Variants in GRIA1 observed in about 807,000 individuals in gnomAD.
The protein encoded by GRIA1 is glutamate receptor 1.
Under a neutral mutation model 99.2 loss-of-function variants are expected in GRIA1, and 31 were observed. That is an observed-to-expected ratio of 0.31 (90% CI 0.23 to 0.42). The LOEUF (loss-of-function observed/expected upper bound fraction) is 0.42, where lower values mean the gene tolerates loss of function less well. GRIA1 is among the 10% of genes least tolerant of loss of function. The probability of loss-of-function intolerance (pLI) is 1.00; values close to 1 mark genes in which losing one functional copy is unlikely to be tolerated. For missense variants in GRIA1, 782 were observed against 1,157.5 expected, an observed-to-expected ratio of 0.68 and a Z score of 4.71; for synonymous variants, 438 against 432.4, an observed-to-expected ratio of 1.01 and a Z score of -0.16.
At chr5:153,645,660 T>G (rs1474309153) in intron 2 of GRIA1, among the ~76,000 whole-genome samples, 1 of 152,122 alleles carries the variant, frequency 6.6e-6, no homozygotes, top group Non-Finnish European at 1.5e-5. Flanking sequence ...GAGCATCTTG[T>G]GGGGCTATAG....
At chr5:153,630,508 A>G (rs1752867072) in intron 2 of GRIA1, among the ~76,000 whole-genome samples, 1 of 152,114 alleles carries the variant, frequency 6.6e-6, no homozygotes, top group Non-Finnish European at 1.5e-5. Flanking sequence ...TCTCAGCACT[A>G]TGGGGATCAG....
At chr5:153,700,655 G>T (rs1758449543) in intron 10 of GRIA1, among the ~76,000 whole-genome samples, 1 of 152,142 alleles carries the variant, frequency 6.6e-6, no homozygotes, top group African/African-American at 2.4e-5. Flanking sequence ...GCCTCCAGCT[G>T]CCTTGTGCAG....
At chr5:153,612,223 T>C (rs779400347) in intron 2 of GRIA1, among the ~76,000 whole-genome samples, 2 of 152,024 alleles carry the variant, frequency 1.3e-5, no homozygotes, top group Admixed American at 6.6e-5. Context: ...TAGATAGGAG[T>C]GCTGAGAAGG....
chr5:153,699,160 A>G (rs913783801), intron 10 of GRIA1, 87 bp downstream of exon 10: 1 of 888,312 alleles, frequency 1.1e-6, no homozygotes, highest in Admixed American at 2.0e-5. Context: ...CCCTGCCCAC[A>G]GATGTCTATG....
chr5:153,491,256 T>C, intron 1 of GRIA1: 2 of 1,331,042 alleles, frequency 1.5e-6, no homozygotes, highest in Non-Finnish European at 1.9e-6. Flanking sequence ...AAAAAAAAAA[T>C]CAGGCTGGAA....
intron 2 of GRIA1, among the ~76,000 whole-genome samples, chr5:153,603,629 C>T (rs1765197252): frequency 6.6e-6 from 1 of 152,194 alleles, no homozygotes; most frequent in Admixed American, 6.5e-5. Flanking sequence ...ATATCGACAT[C>T]TCTGCTCTAG....
chr5:153,580,395 C>T, intron 2 of GRIA1, among the ~76,000 whole-genome samples: 1 of 152,172 alleles, frequency 6.6e-6, no homozygotes, highest in Non-Finnish European at 1.5e-5. Flanking sequence ...GGCAGCTTTA[C>T]ACATTATCTT....
intron 8 of GRIA1, 117 bp downstream of exon 8, chr5:153,686,446 C>T (rs1301491476): frequency 3.0e-6 from 2 of 675,406 alleles, no homozygotes; most frequent in Non-Finnish European, 5.0e-6. Flanking sequence ...GAAACTCAGA[C>T]AACACAGATT....
intron 2 of GRIA1, among the ~76,000 whole-genome samples, chr5:153,525,687 T>C (rs1159405238): frequency 6.6e-6 from 1 of 152,168 alleles, no homozygotes; most frequent in Non-Finnish European, 1.5e-5. Context: ...ACTTGGGAGA[T>C]AAGGGTCATC....
intron 6 of GRIA1, among the ~76,000 whole-genome samples, chr5:153,675,584 C>T (rs905490568): frequency 1.3e-5 from 2 of 152,220 alleles, no homozygotes; most frequent in Non-Finnish European, 2.9e-5. Flanking sequence ...TCTGGACAAA[C>T]AGTGAATCTT....
intron 11 of GRIA1, among the ~76,000 whole-genome samples, chr5:153,747,236 G>A (rs1007883309): frequency 2.0e-5 from 3 of 152,184 alleles, no homozygotes; most frequent in African/African-American, 2.4e-5. Flanking sequence ...GCAAAGAGGA[G>A]CAGCGTGTCA....
chr5:153,575,696 C>A (rs375955917), intron 2 of GRIA1, among the ~76,000 whole-genome samples: 7 of 152,324 alleles, frequency 4.6e-5, no homozygotes, highest in African/African-American at 1.7e-4. Flanking sequence ...ATAACCAAGT[C>A]TCCTGTGGCC....
chr5:153,538,651 G>A lies in GRIA1; in HGVS notation c.220+44586G>A, dbSNP rs181784487. On this transcript the variant is annotated intron_variant, in intron 2 of 15. Coordinates refer to ENST00000285900, the MANE Select transcript of GRIA1 (RefSeq NM_000827.4). ...ATCTTGGAGGTTTAGAATTTGTTCC[G>A]CTTGAACTTTCAGATTATGAGTCCC... is the stretch of plus-strand genomic sequence containing the variant. Among the ~76,000 whole-genome samples the A allele has an allele frequency of 4.1e-3, 627 of 152,188 alleles. 5 individuals carry two copies. Among genetic ancestry groups the A allele is most frequent in the African/African-American group, 0.014 (598 of 41,506 alleles).
intron 2 of GRIA1, among the ~76,000 whole-genome samples, chr5:153,526,085 G>T (rs1757567315): frequency 6.6e-6 from 1 of 152,152 alleles, no homozygotes; most frequent in Non-Finnish European, 1.5e-5. Context: ...TTTCAGCCTT[G>T]GCTACTAAAC....
chr5:153,809,072 T>C (rs556783505), intron 15 of GRIA1, among the ~76,000 whole-genome samples: 1 of 152,364 alleles, frequency 6.6e-6, no homozygotes, highest in East Asian at 1.9e-4. Flanking sequence ...ACTTTAGTGG[T>C]CTTTTTTCCT....
intron 5 of GRIA1, among the ~76,000 whole-genome samples, chr5:153,674,108 A>G (rs919152611): frequency 6.6e-6 from 1 of 152,222 alleles, no homozygotes; most frequent in Non-Finnish European, 1.5e-5. Flanking sequence ...ATATATCTGC[A>G]TCATCATAAT....
chr5:153,653,863 T>C (rs1754749674), intron 4 of GRIA1, among the ~76,000 whole-genome samples: 1 of 152,064 alleles, frequency 6.6e-6, no homozygotes, highest in South Asian at 2.1e-4. Context: ...TACAGAGGAG[T>C]TGAGATTGGA....
At chr5:153,773,148 A>G (rs1437726625) in intron 13 of GRIA1, among the ~76,000 whole-genome samples, 4 of 152,230 alleles carry the variant, frequency 2.6e-5, no homozygotes, top group Non-Finnish European at 4.4e-5. Context: ...TGGTACATGC[A>G]TTATCTCTTA....
intron 2 of GRIA1, among the ~76,000 whole-genome samples, chr5:153,605,794 T>A (rs1414554712): frequency 6.6e-6 from 1 of 152,210 alleles, no homozygotes; most frequent in African/African-American, 2.4e-5. Context: ...TTTTAAGTGA[T>A]AACAGTTAAT....
Sources: gnomAD v4.1 joint callset for allele counts (sites outside exome capture counted in the v4.1 genomes callset) on GRCh38, gnomAD v4.1.1 for gene constraint, MANE v1.5 for transcripts, NCBI Gene and HGNC (gene_info 2026-07-23, HGNC 2026-07-21) for gene names.